The following NRIP1 variants were observed in gnomAD, a reference collection of about 807,000 sequenced individuals.
The protein encoded by NRIP1 is nuclear receptor interacting protein 1, also known as nuclear receptor-interacting protein 1.
NRIP1 carries 28 observed loss-of-function variants against 75.0 expected under a neutral mutation model. That is an observed-to-expected ratio of 0.37 (90% CI 0.28 to 0.51). The LOEUF is 0.51. NRIP1 is among the 20% of genes least tolerant of loss of function. The pLI is 0.92. For missense variants in NRIP1, 1,435 were observed against 1,343.7 expected (o/e 1.07, Z -1.06); for synonymous variants, 526 against 487.6 (o/e 1.08, Z -1.04).
chr21:14,966,062 T>C lies in NRIP1; in HGVS notation c.2131A>G (p.Thr711Ala), dbSNP rs566526235. 1.2e-6 allele frequency: 2 copies of C among 1,612,692 alleles called. No homozygotes were observed. Among genetic ancestry groups the C allele is most frequent in the Non-Finnish European group, 1.7e-6 (2 of 1,179,964 alleles). ...TTCCCCAGGAGCAACTGGAGGACAG[T>C]ACGTCTTTCAAGCAGATTTTCTATT... ...SEIENLLERR[T>A]VLQLLLGNPN... Residue 711 changes from threonine to alanine, a missense_variant, in exon 4 of 4, where the codon ACT becomes GCT. Thr to Ala is a moderately conservative substitution (Grantham distance 58, BLOSUM62 0). Transcript: ENST00000318948.
intron 3 of NRIP1, among the ~76,000 whole-genome samples, chr21:14,973,579 G>A (rs1185386258): frequency 1.3e-5 from 2 of 151,964 alleles, no homozygotes; most frequent in Non-Finnish European, 2.9e-5. Context: ...GGAAAAAATG[G>A]TTAATTTTAA....
chr21:15,002,970 A>G (rs1037866180), intron 3 of NRIP1, among the ~76,000 whole-genome samples: 2 of 152,222 alleles, frequency 1.3e-5, no homozygotes, highest in Non-Finnish European at 2.9e-5. Context: ...GGTCTCAACA[A>G]TTATTTAAAA....
At chr21:15,013,333 C>A (rs961287954) in intron 3 of NRIP1, among the ~76,000 whole-genome samples, 4 of 152,106 alleles carry the variant, frequency 2.6e-5, no homozygotes, top group African/African-American at 9.7e-5. Flanking sequence ...GTTTTCTGAA[C>A]ATTATCAGAA....
At chr21:14,972,040 G>T (rs1333204066) in intron 3 of NRIP1, among the ~76,000 whole-genome samples, 1 of 152,150 alleles carries the variant, frequency 6.6e-6, no homozygotes. Context: ...GTAAATCAAA[G>T]ATTGTGGTCA....
chr21:15,031,039 GGTTGGAGGTTCA>G (rs2088662330), intron 2 of NRIP1, among the ~76,000 whole-genome samples: 1 of 124,042 alleles, frequency 8.1e-6, no homozygotes, highest in African/African-American at 2.8e-5. Flanking sequence ...TCTGGAAGGC[GGTTGGAGGTTCA>G]CTACATTCCC....
intron 1 of NRIP1, chr21:15,052,154 T>C (rs562379733): frequency 6.6e-6 from 1 of 152,176 alleles, no homozygotes; most frequent in Admixed American, 6.5e-5. Context: ...GTAACGCTGA[T>C]ACTGAAGCAA....
At position 14,968,244 on chromosome 21, in the gene NRIP1, G is replaced by A; in HGVS notation, c.-52C>T. Reference sequence around the variant, plus strand: ...TGGTTTCTATTCACTTTAAAGAATGGTTTTCTGTGGTGAGTGCGATGTAAC... The same window carrying A: ...TGGTTTCTATTCACTTTAAAGAATGATTTTCTGTGGTGAGTGCGATGTAAC... On this transcript the variant is annotated 5_prime_UTR_variant, in exon 4 of 4. Coordinates refer to ENST00000318948, the MANE Select transcript of NRIP1 (RefSeq NM_003489.4). 4 of 1,275,610 alleles carry A rather than the reference G, an allele frequency of 3.1e-6. No homozygotes were observed. Among genetic ancestry groups the A allele is most frequent in the Non-Finnish European group, 4.4e-6 (4 of 909,774 alleles). 79.0% of individuals were successfully genotyped at this position (1,275,610 alleles called of 1,614,324 possible).
intron 2 of NRIP1, among the ~76,000 whole-genome samples, chr21:15,017,198 C>T (rs1210248017): frequency 6.6e-6 from 1 of 152,036 alleles, no homozygotes; most frequent in Non-Finnish European, 1.5e-5. Context: ...AAGGAAATAT[C>T]TCTAGAGGAA....
At chr21:15,043,384 T>C (rs1336415764) in intron 2 of NRIP1, 111 bp downstream of exon 2, 1 of 152,206 alleles carries the variant, frequency 6.6e-6, no homozygotes, top group Non-Finnish European at 1.5e-5. Context: ...TTTATCCATA[T>C]CTAAAAGTTA....
chr21:15,030,925 G>A (rs62220722), intron 2 of NRIP1, among the ~76,000 whole-genome samples: 5,039 of 95,394 alleles, frequency 0.053, 19 homozygotes, highest in East Asian at 0.073. Flanking sequence ...TTCTATGTGT[G>A]TACACTCTGG....
In NRIP1 at chr21:15,037,488, G is replaced by T. The variant is rs745842740; in HGVS notation, c.-458+6007C>A. On this transcript the variant is annotated intron_variant, in intron 2 of 3. Coordinates refer to ENST00000318948, the MANE Select transcript of NRIP1 (RefSeq NM_003489.4). ...TAAAAGATACAACCCCCTCCATCTA[G>T]AAGTTTATAATTTTGCTGCAGCGAT... 3.3e-5 allele frequency among the ~76,000 whole-genome samples: 5 copies of T among 152,258 alleles called. No homozygotes were observed. The South Asian group carries it at 8.3e-4, about 25-fold the overall frequency.
intron 1 of NRIP1, among the ~76,000 whole-genome samples, chr21:15,047,409 G>A (rs113473086): frequency 3.3e-5 from 5 of 152,120 alleles, no homozygotes; most frequent in Admixed American, 2.0e-4. Flanking sequence ...GCGTGGTGGC[G>A]GGCGCCTGTG....
chr21:14,984,367 G>GTTT (rs544247644), intron 3 of NRIP1, among the ~76,000 whole-genome samples: 1 of 139,180 alleles, frequency 7.2e-6, no homozygotes, highest in East Asian at 2.1e-4. Context: ...GTTGTTGCGG[G>GTTT]TTTTTTTTTT....
At chr21:15,024,588 G>GTGTGTGTGTT (rs1465295227) in intron 2 of NRIP1, among the ~76,000 whole-genome samples, 5 of 151,596 alleles carry the variant, frequency 3.3e-5, no homozygotes, top group African/African-American at 1.2e-4. Context: ...GTGTGTGTGT[G>GTGTGTGTGTT]TGTGTGTGTC....
intron 1 of NRIP1, among the ~76,000 whole-genome samples, chr21:15,046,482 T>G (rs2089077801): frequency 6.6e-6 from 1 of 152,226 alleles, no homozygotes; most frequent in African/African-American, 2.4e-5. Flanking sequence ...CATCCAGGCT[T>G]CTTCTTCCAT....
chr21:15,017,139 C>G (rs1238695519), intron 2 of NRIP1, among the ~76,000 whole-genome samples: 1 of 152,120 alleles, frequency 6.6e-6, no homozygotes, highest in African/African-American at 2.4e-5. Context: ...AGAAACCCTA[C>G]AAACTGGCAT....
chr21:15,048,971 C>A (rs1319113266), intron 1 of NRIP1, among the ~76,000 whole-genome samples: 1 of 150,380 alleles, frequency 6.6e-6, no homozygotes, highest in African/African-American at 2.4e-5. Context: ...AATACATACA[C>A]ACACACACGT....
chr21:15,017,740 A>G (rs2088270813), intron 2 of NRIP1, among the ~76,000 whole-genome samples: 1 of 152,224 alleles, frequency 6.6e-6, no homozygotes, highest in Non-Finnish European at 1.5e-5. Flanking sequence ...AATGGTCTCA[A>G]TTCAGGTAAT....
intron 3 of NRIP1, among the ~76,000 whole-genome samples, chr21:14,974,011 C>T (rs925201879): frequency 1.9e-4 from 29 of 151,856 alleles, no homozygotes; most frequent in African/African-American, 6.0e-4. Context: ...TCATTTTAAC[C>T]CTCAGTACAC....
Sources: gnomAD v4.1 joint callset for allele counts (sites outside exome capture counted in the v4.1 genomes callset) on GRCh38, gnomAD v4.1.1 for gene constraint, MANE v1.5 for transcripts, NCBI Gene and HGNC (gene_info 2026-07-23, HGNC 2026-07-21) for gene names.